TFDP2: variants seen among roughly 807,000 people sequenced by gnomAD.
TFDP2 encodes the protein transcription factor Dp-2 (E2F dimerization partner 2).
TFDP2 carries 17 observed loss-of-function variants against 59.3 expected under a neutral mutation model. The ratio of observed to expected loss-of-function variants is 0.29; its 90% confidence interval spans 0.20 to 0.43. The LOEUF (loss-of-function observed/expected upper bound fraction) is 0.43, where lower values mean the gene tolerates loss of function less well. Among genes scored for constraint, TFDP2 ranks in the 20% least tolerant of loss-of-function variants. TFDP2 has a pLI of 1.00. For synonymous variants in TFDP2, 180 were observed against 194.7 expected (o/e 0.92, Z 0.63); for missense variants, 391 against 528.8 (o/e 0.74, Z 2.56).
intron 9 of TFDP2, among the ~76,000 whole-genome samples, chr3:141,965,592 G>A (rs565158943): frequency 1.4e-5 from 2 of 146,426 alleles, no homozygotes; most frequent in Admixed American, 6.9e-5. Flanking sequence ...GAAGGAAAGG[G>A]GAAGGAAAGG....
chr3:142,005,873 TCA>T (rs1944168538), intron 3 of TFDP2, among the ~76,000 whole-genome samples: 2 of 152,260 alleles, frequency 1.3e-5, no homozygotes, highest in African/African-American at 2.4e-5. Flanking sequence ...GTAACGCAAA[TCA>T]CAGTTTATAT....
At chr3:142,099,557 C>T (rs942078540) in intron 2 of TFDP2, among the ~76,000 whole-genome samples, 15 of 151,810 alleles carry the variant, frequency 9.9e-5, no homozygotes, top group African/African-American at 3.4e-4. Flanking sequence ...CAAAATTAGC[C>T]GGGCATGGTG....
intron 1 of TFDP2, among the ~76,000 whole-genome samples, chr3:142,102,564 A>G (rs995690686): frequency 5.3e-5 from 8 of 152,228 alleles, no homozygotes; most frequent in African/African-American, 1.7e-4. Flanking sequence ...ATTAATACAC[A>G]GTAAAACTAG....
At chr3:141,976,728 C>T (rs1940694418) in intron 7 of TFDP2, among the ~76,000 whole-genome samples, 1 of 151,646 alleles carries the variant, frequency 6.6e-6, no homozygotes, top group Non-Finnish European at 1.5e-5. Flanking sequence ...CACAAAGGGG[C>T]TTGCAGATCA....
At chr3:142,114,461 A>G (rs890796781) in intron 1 of TFDP2, among the ~76,000 whole-genome samples, 9 of 152,184 alleles carry the variant, frequency 5.9e-5, no homozygotes, top group Admixed American at 4.6e-4. Context: ...AAAATAAACA[A>G]TTGCCTTGTT....
intron 6 of TFDP2, chr3:141,988,963 T>C (rs1942450946): frequency 6.6e-6 from 1 of 152,310 alleles, no homozygotes; most frequent in Admixed American, 6.5e-5. Flanking sequence ...AATCATGTTT[T>C]AAACTTCATA....
intron 3 of TFDP2, among the ~76,000 whole-genome samples, chr3:142,040,198 G>C (rs1192847689): frequency 6.6e-6 from 1 of 152,094 alleles, no homozygotes; most frequent in Non-Finnish European, 1.5e-5. Flanking sequence ...TTATGACCTA[G>C]ATGTTGGAAA....
intron 6 of TFDP2, among the ~76,000 whole-genome samples, chr3:141,989,908 TA>T (rs1482134029): frequency 6.6e-6 from 1 of 151,070 alleles, no homozygotes; most frequent in Non-Finnish European, 1.5e-5. Context: ...TTATTATTAT[TA>T]TTGAGACAGA....
intron 4 of TFDP2, among the ~76,000 whole-genome samples, chr3:141,995,883 C>CAAA (rs146557075): frequency 1.1e-3 from 74 of 67,748 alleles, no homozygotes; most frequent in Non-Finnish European, 1.4e-3. Flanking sequence ...AACTCCATTT[C>CAAA]AAAAAAAAAA....
At chr3:142,030,348 A>G (rs1042470405) in intron 3 of TFDP2, among the ~76,000 whole-genome samples, 2 of 152,246 alleles carry the variant, frequency 1.3e-5, no homozygotes, top group Non-Finnish European at 2.9e-5. Flanking sequence ...ATCTGAGTAA[A>G]TAAATCACAT....
At chr3:142,114,530 C>G (rs927559661) in intron 1 of TFDP2, among the ~76,000 whole-genome samples, 1 of 152,088 alleles carries the variant, frequency 6.6e-6, no homozygotes, top group Admixed American at 6.6e-5. Context: ...AAATCCCTAA[C>G]AATCACAACC....
intron 10 of TFDP2, among the ~76,000 whole-genome samples, chr3:141,963,386 A>G (rs1937559253): frequency 2.6e-5 from 4 of 152,234 alleles, no homozygotes; most frequent in African/African-American, 7.2e-5. Flanking sequence ...ATGATATAGC[A>G]AAACAAAGAA....
At chr3:141,972,978 A>G (rs934668951) in intron 8 of TFDP2, among the ~76,000 whole-genome samples, 3 of 151,552 alleles carry the variant, frequency 2.0e-5, no homozygotes, top group Non-Finnish European at 4.4e-5. Context: ...GCTTCTGATG[A>G]ATATCTGGTT....
chr3:142,098,623 G>A (rs1014652719), intron 2 of TFDP2, among the ~76,000 whole-genome samples: 17 of 151,996 alleles, frequency 1.1e-4, no homozygotes, highest in African/African-American at 3.1e-4. Flanking sequence ...TACTAAAAAG[G>A]GGCCAGGTGC....
chr3:142,026,310 T>A (rs993389375), intron 3 of TFDP2, among the ~76,000 whole-genome samples: 12 of 150,444 alleles, frequency 8.0e-5, no homozygotes, highest in Non-Finnish European at 1.6e-4. Flanking sequence ...AGATTCCGTC[T>A]CAAAAAAACA....
chr3:142,044,235 T>G (rs895742842), intron 3 of TFDP2: 46 of 231,818 alleles, frequency 2.0e-4, no homozygotes, highest in South Asian at 1.6e-3. Flanking sequence ...GGTTTTTTTT[T>G]TTTTTTTTTT....
rs545439168 is a variant in TFDP2, at chr3:141,949,386, C to G, written c.*3127G>C. 1 of 152,240 alleles carries G rather than the reference C, an allele frequency of 6.6e-6. No individual in the cohort carries two copies. The highest frequency in any genetic ancestry group is 6.6e-5 in the Admixed American group (1 of 15,264). 9.4% of individuals were successfully genotyped at this position (152,240 alleles called of 1,614,324 possible). On this transcript the variant is annotated 3_prime_UTR_variant, in exon 13 of 13. Transcript: ENST00000489671. Reference sequence around the variant, plus strand: ...CGCCATGTTGGTCGCTCCTTTCCCGCCCTCCTCCAAGGCCCACCTTGATCA... The same window carrying G: ...CGCCATGTTGGTCGCTCCTTTCCCGGCCTCCTCCAAGGCCCACCTTGATCA...
In TFDP2 at chr3:141,952,375, C is replaced by T; in HGVS notation, c.*138G>A. 2.6e-6 allele frequency: 2 copies of T among 760,240 alleles called. No homozygotes were observed. The highest frequency in any genetic ancestry group is 4.0e-6 in the Non-Finnish European group (2 of 502,138). 47.1% of individuals were successfully genotyped at this position (760,240 alleles called of 1,614,324 possible). The stretch of plus-strand genomic sequence containing the variant: ...ATCATCTCAGCCTTCATGTGATTTG[C>T]TTATTGTGTTTCTCTAGTTTTCACT... On this transcript the variant is annotated 3_prime_UTR_variant, in exon 13 of 13. Coordinates refer to ENST00000489671, the MANE Select transcript of TFDP2 (RefSeq NM_001178139.2).
chr3:142,004,431 T>C (rs778047500), intron 4 of TFDP2, among the ~76,000 whole-genome samples: 3 of 152,202 alleles, frequency 2.0e-5, no homozygotes, highest in Non-Finnish European at 2.9e-5. Context: ...GATGAAAAGA[T>C]GAAAACACCG....
Sources: gnomAD v4.1 joint callset for allele counts (sites outside exome capture counted in the v4.1 genomes callset) on GRCh38, gnomAD v4.1.1 for gene constraint, MANE v1.5 for transcripts, NCBI Gene and HGNC (gene_info 2026-07-23, HGNC 2026-07-21) for gene names.